PSIP1: variants seen among roughly 807,000 people sequenced by gnomAD.
PSIP1 encodes PC4 and SFRS1-interacting protein.
PSIP1 carries 19 observed loss-of-function variants against 74.7 expected under a neutral mutation model. That is an observed-to-expected ratio of 0.25 (90% CI 0.18 to 0.37). The LOEUF (loss-of-function observed/expected upper bound fraction) is 0.37. PSIP1 is among the 10% of genes least tolerant of loss of function. The pLI, the probability that PSIP1 is intolerant of heterozygous loss-of-function variation, is 1.00. For synonymous variants in PSIP1, 222 were observed against 195.3 expected (o/e 1.14, Z -1.14); for missense variants, 601 against 614.3 (o/e 0.98, Z 0.23).
chr9:15,482,272 T>C (rs2036370014), intron 6 of PSIP1, among the ~76,000 whole-genome samples: 1 of 152,082 alleles, frequency 6.6e-6, no homozygotes, highest in African/African-American at 2.4e-5. Flanking sequence ...TATTCCCAGC[T>C]GCTGAAGCCT....
At chr9:15,492,363 T>C (rs1317369553) in intron 3 of PSIP1, 4 of 152,262 alleles carry the variant, frequency 2.6e-5, no homozygotes, top group East Asian at 1.9e-4. Context: ...TGAAATCTAA[T>C]AGGGGCAGTC....
At chr9:15,499,636 G>C (rs1460497410) in intron 3 of PSIP1, among the ~76,000 whole-genome samples, 1 of 152,162 alleles carries the variant, frequency 6.6e-6, no homozygotes, top group Non-Finnish European at 1.5e-5. Flanking sequence ...CACTTTAGGA[G>C]GCTGAGGTGG....
In PSIP1 at chr9:15,479,671, T is replaced by C; in HGVS notation, c.473A>G (p.Glu158Gly). The change falls in exon 7 of 16, where the codon GAA (glutamate) becomes GGA (glycine). Residue 158 changes from glutamate (E) to glycine (G), a missense_variant. Transcript: ENST00000380733. The part of the protein sequence containing the change: ...GRKRKAEKQV[E>G]TEEAGVVTTA... ...TGTCACTACTCCTGCCTCCTCAGTT[T>C]CTACTTGTTTTTCTGCCTGAATTAC... 1.2e-6 allele frequency: 2 copies of C among 1,612,554 alleles called. No homozygotes were observed. Among genetic ancestry groups the C allele is most frequent in the Non-Finnish European group, 1.7e-6 (2 of 1,179,510 alleles).
intron 3 of PSIP1, among the ~76,000 whole-genome samples, chr9:15,494,565 C>CAAAAAAAA (rs57170853): frequency 8.0e-5 from 3 of 37,558 alleles, no homozygotes; most frequent in South Asian, 1.4e-3. Flanking sequence ...AACTGCATCT[C>CAAAAAAAA]AAAAAAAAAA....
intron 2 of PSIP1, among the ~76,000 whole-genome samples, chr9:15,508,624 A>G (rs1344241969): frequency 6.6e-6 from 1 of 152,198 alleles, no homozygotes; most frequent in East Asian, 1.9e-4. Context: ...TCATATTTTC[A>G]AACACCTCAA....
chr9:15,467,821 T>A (rs2035696732), intron 14 of PSIP1, among the ~76,000 whole-genome samples: 1 of 152,184 alleles, frequency 6.6e-6, no homozygotes, highest in African/African-American at 2.4e-5. Context: ...CACATCTAAG[T>A]GCTTTGTAAG....
chr9:15,474,826 A>T (rs1295546565), intron 8 of PSIP1, among the ~76,000 whole-genome samples: 1 of 152,206 alleles, frequency 6.6e-6, no homozygotes, highest in Admixed American at 6.5e-5. Flanking sequence ...TTTATGGTTG[A>T]TATATATTCT....
At chr9:15,487,908 G>A (rs537006651) in intron 4 of PSIP1, among the ~76,000 whole-genome samples, 1 of 152,260 alleles carries the variant, frequency 6.6e-6, no homozygotes, top group Admixed American at 6.5e-5. Flanking sequence ...AAGTAATAAA[G>A]TCACTAATCA....
In PSIP1 at chr9:15,466,761, T is replaced by G; in HGVS notation, c.1519A>C (p.Ser507Arg). ...NEDSKDNHEA[S>R]TKKKPSSEER... is the part of the protein sequence containing the mutation. ...CCTATTCCTCACTTTTTCTTCGTGCTGGCTTCATGGTTGTCTTTGCTGTCT... is the reference window on the plus strand; with the variant it reads ...CCTATTCCTCACTTTTTCTTCGTGCGGGCTTCATGGTTGTCTTTGCTGTCT... The change falls in exon 15 of 16, where the codon AGC becomes CGC. Residue 507 changes from serine to arginine, a missense_variant. By Grantham distance (110) the Ser-to-Arg change is moderately radical. Transcript: ENST00000380733. 6.2e-7 allele frequency: 1 copy of G among 1,609,606 alleles called. No homozygotes were observed. The highest frequency in any genetic ancestry group is 2.2e-5 in the East Asian group (1 of 44,786).
intron 13 of PSIP1, 43 bp downstream of exon 13, chr9:15,468,914 A>G (rs979353583): frequency 6.2e-7 from 1 of 1,603,846 alleles, no homozygotes; most frequent in Non-Finnish European, 8.5e-7. Flanking sequence ...TAAATGAAGT[A>G]ATGACAAAAT....
chr9:15,485,199 ATTTCC>A (rs2036507929), intron 6 of PSIP1, among the ~76,000 whole-genome samples: 1 of 152,120 alleles, frequency 6.6e-6, no homozygotes, highest in African/African-American at 2.4e-5. Context: ...TTTGGTACCC[ATTTCC>A]CTCAGACTTT....
intron 8 of PSIP1, among the ~76,000 whole-genome samples, chr9:15,477,568 C>T (rs1177786665): frequency 6.6e-6 from 1 of 151,958 alleles, no homozygotes; most frequent in Non-Finnish European, 1.5e-5. Flanking sequence ...CCACTTAAGC[C>T]TTTCAAATCT....
intron 8 of PSIP1, among the ~76,000 whole-genome samples, chr9:15,477,318 C>G (rs1205099968): frequency 6.6e-6 from 1 of 152,136 alleles, no homozygotes; most frequent in African/African-American, 2.4e-5. Context: ...TACCATACCA[C>G]CTCACATACA....
intron 6 of PSIP1, 63 bp downstream of exon 6, chr9:15,485,943 C>T (rs760413895): frequency 7.0e-7 from 1 of 1,418,656 alleles, no homozygotes. Context: ...TCTACTCTCC[C>T]TCAACCCAAT....
intron 6 of PSIP1, among the ~76,000 whole-genome samples, chr9:15,483,514 T>C (rs1318069692): frequency 6.6e-6 from 1 of 152,226 alleles, no homozygotes; most frequent in Non-Finnish European, 1.5e-5. Context: ...CCTAGTCTGT[T>C]GCCAACTCAT....
chr9:15,470,099 G>A (rs1472295029), intron 10 of PSIP1, 106 bp from the exon 11 acceptor site: 3 of 829,150 alleles, frequency 3.6e-6, no homozygotes, highest in Non-Finnish European at 5.9e-6. Context: ...TAAGTCAATA[G>A]CCTAGACTGC....
At chr9:15,501,736 G>C (rs765123056) in intron 3 of PSIP1, among the ~76,000 whole-genome samples, 1 of 151,484 alleles carries the variant, frequency 6.6e-6, no homozygotes, top group Non-Finnish European at 1.5e-5. Context: ...AGATCTCTTT[G>C]ACTAGACAGT....
In PSIP1 at chr9:15,478,420, T is replaced by C; in HGVS notation, c.629+57A>G. 4.0e-6 allele frequency: 5 copies of C among 1,261,352 alleles called. No homozygotes were observed. The East Asian group carries it at 9.4e-5, about 24-fold the overall frequency. The allele number at this position is 1,261,352 out of a possible 1,614,324, so 78.1% of individuals were successfully genotyped here. ...CTGATAAAATCGCAGAGATATGTGCTTGTTTAAAGTCAAATGTCTCATTTA... is the reference window on the plus strand; with the variant it reads ...CTGATAAAATCGCAGAGATATGTGCCTGTTTAAAGTCAAATGTCTCATTTA... On this transcript the variant is annotated intron_variant, in intron 8 of 15. Transcript: ENST00000380733.
intron 10 of PSIP1, among the ~76,000 whole-genome samples, chr9:15,470,208 C>T (rs1002726998): frequency 6.6e-6 from 1 of 152,146 alleles, no homozygotes; most frequent in Non-Finnish European, 1.5e-5. Context: ...TCTGGCTTTT[C>T]AGTGACATCA....
Sources: gnomAD v4.1 joint callset for allele counts (sites outside exome capture counted in the v4.1 genomes callset) on GRCh38, gnomAD v4.1.1 for gene constraint, MANE v1.5 for transcripts, NCBI Gene and HGNC (gene_info 2026-07-23, HGNC 2026-07-21) for gene names.